AK5: variants seen among roughly 807,000 people sequenced by gnomAD.
AK5 encodes the protein adenylate kinase isoenzyme 5.
Under a neutral mutation model 69.5 loss-of-function variants are expected in AK5, and 27 were observed. The ratio of observed to expected loss-of-function variants is 0.39; its 90% CI spans 0.29 to 0.54. The LOEUF (loss-of-function observed/expected upper bound fraction) is 0.54. Ranked by LOEUF, AK5 falls within the 20% of genes least tolerant of loss-of-function variation. The probability of loss-of-function intolerance (pLI) is 0.71; values close to 1 mark genes in which losing one functional copy is unlikely to be tolerated. For synonymous variants in AK5, 260 were observed against 244.4 expected (o/e 1.06, Z -0.60); for missense variants, 531 against 700.4 (o/e 0.76, Z 2.73).
chr1:77,516,162 CATTTGTGACAACAT>C (rs1407353717), intron 10 of AK5, among the ~76,000 whole-genome samples: 15 of 152,296 alleles, frequency 9.8e-5, no homozygotes, highest in Admixed American at 2.6e-4. Flanking sequence ...GAAATCCTGC[CATTTGTGACAACAT>C]ATTGGAAGAC....
At chr1:77,496,111 G>T (rs1315717891) in intron 10 of AK5, among the ~76,000 whole-genome samples, 2 of 152,188 alleles carry the variant, frequency 1.3e-5, no homozygotes, top group African/African-American at 4.8e-5. Flanking sequence ...AGGCAATGGG[G>T]AGCAAGACTG....
At chr1:77,518,795 T>C in intron 11 of AK5, 68 bp downstream of exon 11, 2 of 1,491,568 alleles carry the variant, frequency 1.3e-6, no homozygotes, top group Non-Finnish European at 1.8e-6. Context: ...GTTTTTGTAA[T>C]GAATCTGAGC....
chr1:77,357,036 A>G (rs1379223020), intron 6 of AK5, among the ~76,000 whole-genome samples: 1 of 152,030 alleles, frequency 6.6e-6, no homozygotes, highest in Non-Finnish European at 1.5e-5. Flanking sequence ...TCCACTGTCT[A>G]TTGATTTTTT....
chr1:77,461,509 C>T (rs1012518010), intron 8 of AK5, among the ~76,000 whole-genome samples: 2 of 151,662 alleles, frequency 1.3e-5, no homozygotes. Flanking sequence ...CGGTGGCTTA[C>T]GCCTGTAATC....
intron 8 of AK5, among the ~76,000 whole-genome samples, chr1:77,425,595 G>A (rs1651151390): frequency 6.6e-6 from 1 of 151,770 alleles, no homozygotes; most frequent in Non-Finnish European, 1.5e-5. Context: ...TCAAAAAAAA[G>A]AAAAGAAAAG....
At chr1:77,418,883 A>T (rs934311224) in intron 8 of AK5, among the ~76,000 whole-genome samples, 3 of 152,208 alleles carry the variant, frequency 2.0e-5, no homozygotes, top group East Asian at 1.9e-4. Flanking sequence ...GCACAAAGCA[A>T]GGAGATGATG....
intron 8 of AK5, among the ~76,000 whole-genome samples, chr1:77,453,251 T>A (rs72934314): frequency 0.1 from 15,808 of 152,260 alleles, 929 homozygotes; most frequent in South Asian, 0.15. Flanking sequence ...CTCTGTTCAC[T>A]GATACATCAC....
At chr1:77,378,100 T>TAGAG (rs1647364070) in intron 6 of AK5, among the ~76,000 whole-genome samples, 1 of 152,194 alleles carries the variant, frequency 6.6e-6, no homozygotes, top group African/African-American at 2.4e-5. Context: ...CTCTTTAAGT[T>TAGAG]CTCTCAGTTT....
intron 5 of AK5, among the ~76,000 whole-genome samples, chr1:77,323,312 T>A (rs1244309646): frequency 6.6e-6 from 1 of 152,172 alleles, no homozygotes; most frequent in East Asian, 1.9e-4. Context: ...TATAGTCATC[T>A]CCTTATAACT....
intron 6 of AK5, among the ~76,000 whole-genome samples, chr1:77,365,386 G>A (rs1039429866): frequency 6.6e-6 from 1 of 152,180 alleles, no homozygotes; most frequent in African/African-American, 2.4e-5. Context: ...TCCTAGCTCA[G>A]TGCAGCCTCA....
rs562996626 is a variant in AK5, at chr1:77,433,835, CTTGA to C, written c.1059+16123_1059+16126del. On this transcript the variant is annotated intron_variant, in intron 8 of 13. Transcript: ENST00000354567. Reference sequence around the variant, plus strand: ...GTAATTAATTCTTTTCCTGCTTGAGCTTGATTATTAGTTTCATAAATTTATTAGT... The same window carrying C: ...GTAATTAATTCTTTTCCTGCTTGAGCTTATTAGTTTCATAAATTTATTAGT... Among the ~76,000 whole-genome samples the C allele has an allele frequency of 3.6e-4, 54 of 151,838 alleles. 2 individuals are homozygous for C. The South Asian group carries it at 0.011, about 32-fold the overall frequency.
At chr1:77,446,204 T>G (rs183487324) in intron 8 of AK5, among the ~76,000 whole-genome samples, 3 of 152,316 alleles carry the variant, frequency 2.0e-5, no homozygotes, top group African/African-American at 7.2e-5. Flanking sequence ...CCCCATTGTG[T>G]CTTTTTGGTG....
chr1:77,430,003 T>C (rs1651497448), intron 8 of AK5, among the ~76,000 whole-genome samples: 1 of 152,128 alleles, frequency 6.6e-6, no homozygotes, highest in Admixed American at 6.5e-5. Context: ...ATGGGGAACC[T>C]TGAAGAGTTG....
At chr1:77,431,995 G>T (rs1185548285) in intron 8 of AK5, among the ~76,000 whole-genome samples, 1 of 152,148 alleles carries the variant, frequency 6.6e-6, no homozygotes, top group African/African-American at 2.4e-5. Context: ...GTGTGAAGTT[G>T]TAGTTTTTGC....
rs534918053 is a variant in AK5, at chr1:77,393,103, T to A, written c.892-17878T>A. Among the ~76,000 whole-genome samples the A allele has an allele frequency of 1.4e-3, 210 of 152,156 alleles. 5 individuals are homozygous for A. Among genetic ancestry groups the A allele is most frequent in the South Asian group, 3.3e-3 (16 of 4,818 alleles). ...ATGCCCCACCACACGCAGCTACTTA[T>A]TTTTATTTATTAATTAATTTATTTT... On this transcript the variant is annotated intron_variant, in intron 6 of 13. Transcript: ENST00000354567.
At chr1:77,476,560 A>T (rs1468033195) in intron 8 of AK5, among the ~76,000 whole-genome samples, 21 of 152,160 alleles carry the variant, frequency 1.4e-4, no homozygotes, top group Admixed American at 1.3e-3. Context: ...TATTCATATG[A>T]CACCAGGAGC....
Position 77,396,374 on chromosome 1 carries a change from A to C in AK5, c.892-14607A>C, listed in dbSNP as rs145454657. On this transcript the variant is annotated intron_variant, in intron 6 of 13. Coordinates refer to ENST00000354567, the MANE Select transcript of AK5 (RefSeq NM_174858.3). ...CCTAAAACTTGGGGAAAAATTGTTC[A>C]ATTACACAAAGAGCCCAGTAGCCCA... 4.8e-3 allele frequency among the ~76,000 whole-genome samples: 736 copies of C among 152,320 alleles called. 4 individuals carry two copies. Among genetic ancestry groups the C allele is most frequent in the African/African-American group, 0.017 (704 of 41,568 alleles).
rs1658233842 is a variant in AK5 at position 77,284,400 on chromosome 1, A to G, written c.60+2027A>G. 1.3e-5 allele frequency among the ~76,000 whole-genome samples: 2 copies of G among 152,240 alleles called. 1 individual carries two copies. The highest frequency in any genetic ancestry group is 4.1e-4 in the South Asian group (2 of 4,830). ...ACCAAGACATTGGCCCCAGCTGTGG[A>G]TTTTAGACGCTATTACAGACAAACT... is the stretch of plus-strand genomic sequence containing the variant. On this transcript the variant is annotated intron_variant, in intron 1 of 13. Coordinates refer to ENST00000354567, the MANE Select transcript of AK5 (RefSeq NM_174858.3).
At chr1:77,517,324 G>A (rs976341837) in intron 10 of AK5, among the ~76,000 whole-genome samples, 1 of 152,170 alleles carries the variant, frequency 6.6e-6, no homozygotes, top group Non-Finnish European at 1.5e-5. Flanking sequence ...ACGCCAGGCG[G>A]AGAAGATGAG....
Sources: allele counts gnomAD v4.1 joint callset (sites outside exome capture counted in the v4.1 genomes callset), GRCh38; gene constraint gnomAD v4.1.1; transcripts MANE v1.5; gene names NCBI Gene and HGNC (gene_info 2026-07-23, HGNC 2026-07-21).